Variants in TBC1D31 observed in about 807,000 individuals in gnomAD.
TBC1D31 encodes TBC1 domain family member 31.
Under a neutral mutation model 132.9 loss-of-function variants are expected in TBC1D31, and 99 were observed. That is an observed-to-expected ratio of 0.74 (90% CI 0.63 to 0.88). The LOEUF (loss-of-function observed/expected upper bound fraction) is 0.88, where lower values mean the gene tolerates loss of function less well. Among genes scored for constraint, TBC1D31 ranks in the 40% least tolerant of loss-of-function variants. The pLI is 0.00. For missense variants in TBC1D31, 1,134 were observed against 1,256.6 expected (o/e 0.90, Z 1.48); for synonymous variants, 385 against 419.4 (o/e 0.92, Z 1.00).
Position 123,144,814 on chromosome 8 carries a change from T to G in TBC1D31, c.2933T>G (p.Ile978Arg). ...AGAAAGTGGTTTTTAAAGCAAGAGA[T>G]AAATGCGGCTGTAGAACATGCTGAA... ...ASRKWFLKQEINAAVEHAENP... is the reference protein window; with the variant it reads ...ASRKWFLKQERNAAVEHAENP... Residue 978 changes from isoleucine (I) to arginine (R), a missense_variant, in exon 20 of 22, where the codon ATA becomes AGA. Coordinates refer to ENST00000287380, the MANE Select transcript of TBC1D31 (RefSeq NM_145647.4). 1 of 1,613,822 alleles carries G rather than the reference T, an allele frequency of 6.2e-7. No homozygotes were observed. The highest frequency in any genetic ancestry group is 8.5e-7 in the Non-Finnish European group (1 of 1,179,942).
chr8:123,114,884 T>C (rs1459049376), intron 10 of TBC1D31, among the ~76,000 whole-genome samples: 1 of 152,220 alleles, frequency 6.6e-6, no homozygotes, highest in Non-Finnish European at 1.5e-5. Context: ...GCCGCTTATC[T>C]TCCTTTTTAC....
intron 16 of TBC1D31, among the ~76,000 whole-genome samples, chr8:123,130,984 A>T (rs2130819799): frequency 6.6e-6 from 1 of 152,194 alleles, no homozygotes; most frequent in East Asian, 1.9e-4. Context: ...GCCAGTATAA[A>T]AATAATTTCC....
At chr8:123,100,440 G>C (rs1026705888) in intron 6 of TBC1D31, among the ~76,000 whole-genome samples, 1 of 152,064 alleles carries the variant, frequency 6.6e-6, no homozygotes, top group African/African-American at 2.4e-5. Context: ...GCCGGGCCTG[G>C]TGACACATGC....
chr8:123,157,131 C>G (rs949061636), downstream of TBC1D31, among the ~76,000 whole-genome samples: 2 of 152,106 alleles, frequency 1.3e-5, no homozygotes, highest in African/African-American at 4.8e-5. Flanking sequence ...GGACACTCGT[C>G]GCAGATATGT....
intron 10 of TBC1D31, among the ~76,000 whole-genome samples, chr8:123,117,255 C>G (rs1819008385): frequency 1.3e-5 from 2 of 151,392 alleles, no homozygotes; most frequent in Admixed American, 1.3e-4. Flanking sequence ...GTAGAGGCTG[C>G]AATGAGCCCA....
At chr8:123,094,507 C>CTTTA (rs368810398) in intron 5 of TBC1D31, among the ~76,000 whole-genome samples, 9,590 of 148,140 alleles carry the variant, frequency 0.065, 445 homozygotes, top group East Asian at 0.13. Context: ...TATTATCACA[C>CTTTA]TTTATTTATT....
intron 17 of TBC1D31, among the ~76,000 whole-genome samples, chr8:123,135,179 C>T (rs566841356): frequency 2.0e-5 from 3 of 152,330 alleles, no homozygotes; most frequent in South Asian, 4.1e-4. Flanking sequence ...GGATTACAGG[C>T]ATGAGCCACC....
intron 17 of TBC1D31, 33 bp downstream of exon 17, chr8:123,134,239 C>T (rs1299319931): frequency 1.3e-6 from 2 of 1,584,510 alleles, no homozygotes; most frequent in East Asian, 2.2e-5. Flanking sequence ...ATAAGAAAAG[C>T]AGGTTTTGGC....
intron 10 of TBC1D31, among the ~76,000 whole-genome samples, chr8:123,117,851 G>A (rs957195755): frequency 6.6e-6 from 1 of 151,812 alleles, no homozygotes; most frequent in African/African-American, 2.4e-5. Flanking sequence ...TTCCTTGAGT[G>A]TGGAGATTCA....
intron 6 of TBC1D31, 43 bp downstream of exon 6, chr8:123,097,484 ACG>A: frequency 3.8e-6 from 6 of 1,592,942 alleles, no homozygotes; most frequent in Non-Finnish European, 5.1e-6. Flanking sequence ...TTGAGAAAGA[ACG>A]CATCCGTCTC....
chr8:123,080,156 T>C (rs182224846), intron 2 of TBC1D31, among the ~76,000 whole-genome samples: 234 of 152,344 alleles, frequency 1.5e-3, no homozygotes, highest in African/African-American at 5.4e-3. Context: ...TGAGATGTTA[T>C]CAACTTGTGT....
At chr8:123,130,677 AG>A (rs1820537178) in intron 16 of TBC1D31, among the ~76,000 whole-genome samples, 1 of 145,730 alleles carries the variant, frequency 6.9e-6, no homozygotes, top group Non-Finnish European at 1.5e-5. Flanking sequence ...GCTGGAGTGC[AG>A]TGGCGTGACC....
At chr8:123,094,128 G>T (rs958958880) in intron 5 of TBC1D31, among the ~76,000 whole-genome samples, 23 of 151,718 alleles carry the variant, frequency 1.5e-4, no homozygotes, top group Non-Finnish European at 7.4e-5. Flanking sequence ...GTAGTGGCAT[G>T]ATCTCAGCTC....
In TBC1D31 at chr8:123,151,998, A is replaced by AT; in HGVS notation, c.*64dup. On this transcript the variant is annotated 3_prime_UTR_variant, in exon 22 of 22. Coordinates refer to ENST00000287380, the MANE Select transcript of TBC1D31 (RefSeq NM_145647.4). The stretch of plus-strand genomic sequence containing the variant: ...ACCTATTTTGCAATCAGTGACATTG[A>AT]TTTTTAGATTATTTATTTAAAATTC... The AT allele has an allele frequency of 4.5e-6, 6 of 1,336,216 alleles. No individual in the cohort carries two copies. Among genetic ancestry groups the AT allele is most frequent in the Non-Finnish European group, 5.8e-6 (6 of 1,027,250 alleles). 82.8% of individuals were successfully genotyped at this position (1,336,216 alleles called of 1,614,324 possible).
At chr8:123,096,507 C>T (rs1361777245) in intron 5 of TBC1D31, among the ~76,000 whole-genome samples, 2 of 152,216 alleles carry the variant, frequency 1.3e-5, no homozygotes, top group African/African-American at 4.8e-5. Flanking sequence ...CCTTTCCCAG[C>T]TTTCATCACC....
At chr8:123,108,842 C>G (rs896700631) in intron 8 of TBC1D31, among the ~76,000 whole-genome samples, 1 of 152,054 alleles carries the variant, frequency 6.6e-6, no homozygotes, top group Non-Finnish European at 1.5e-5. Context: ...GAAGCGGGCA[C>G]CTTCTTCACA....
chr8:123,134,379 A>C (rs1343040996), intron 17 of TBC1D31, among the ~76,000 whole-genome samples, 173 bp downstream of exon 17: 1 of 152,032 alleles, frequency 6.6e-6, no homozygotes, highest in Non-Finnish European at 1.5e-5. Context: ...CTAAAAGTTT[A>C]AAATTTAGCT....
chr8:123,128,852 G>A (rs1014367089), intron 14 of TBC1D31, among the ~76,000 whole-genome samples: 1 of 151,758 alleles, frequency 6.6e-6, no homozygotes, highest in African/African-American at 2.4e-5. Flanking sequence ...CTCCAGCCTG[G>A]GCGACAGAGT....
At chr8:123,077,526 A>T (rs987745853) in intron 2 of TBC1D31, among the ~76,000 whole-genome samples, 1 of 146,494 alleles carries the variant, frequency 6.8e-6, no homozygotes, top group Non-Finnish European at 1.5e-5. Flanking sequence ...AAAATTTATT[A>T]TTGCTAATTT....
Sources: allele counts gnomAD v4.1 joint callset (sites outside exome capture counted in the v4.1 genomes callset), GRCh38; gene constraint gnomAD v4.1.1; transcripts MANE v1.5; gene names NCBI Gene and HGNC (gene_info 2026-07-23, HGNC 2026-07-21).